The following PYHIN1 variants were observed in gnomAD, a reference collection of about 807,000 sequenced individuals.
PYHIN1 encodes the protein pyrin and HIN domain-containing protein 1.
PYHIN1 carries 32 observed loss-of-function variants against 43.7 expected under a neutral mutation model. The observed-to-expected ratio is 0.73, with a 90% CI of 0.55 to 0.98. The LOEUF (loss-of-function observed/expected upper bound fraction) is 0.98. Ranked by LOEUF, PYHIN1 falls within the 50% of genes least tolerant of loss-of-function variation. The pLI, the probability that PYHIN1 is intolerant of heterozygous loss-of-function variation, is 0.00. For missense variants in PYHIN1, 588 were observed against 589.5 expected (o/e 1.00, Z 0.03); for synonymous variants, 205 against 203.1 (o/e 1.01, Z -0.08).
At chr1:158,985,707 G>C in the PYHIN1 span, among the ~76,000 whole-genome samples, 1 of 152,092 alleles carries the variant, frequency 6.6e-6, no homozygotes, top group South Asian at 2.1e-4. Flanking sequence ...TCTCTAGCAA[G>C]GTCAGGTAAA....
At chr1:158,948,924 G>A (rs913370322) in intron 7 of PYHIN1, among the ~76,000 whole-genome samples, 1 of 152,184 alleles carries the variant, frequency 6.6e-6, no homozygotes, top group African/African-American at 2.4e-5. Context: ...CTGCACCTGG[G>A]TCACAAAGGC....
intron 7 of PYHIN1, among the ~76,000 whole-genome samples, chr1:158,965,015 T>G (rs376829343): frequency 5.3e-5 from 8 of 151,788 alleles, no homozygotes; most frequent in Non-Finnish European, 1.2e-4. Context: ...ATGACACCCA[T>G]TGGCTCAAAA....
At chr1:158,979,992 T>C (rs1651434786), downstream of PYHIN1, among the ~76,000 whole-genome samples, 1 of 152,184 alleles carries the variant, frequency 6.6e-6, no homozygotes, top group Non-Finnish European at 1.5e-5. Flanking sequence ...GTATTTGGTT[T>C]TCTGTTCCTG....
At chr1:158,985,534 A>G in the PYHIN1 span, among the ~76,000 whole-genome samples, 6,262 of 152,188 alleles carry the variant, frequency 0.041, 351 homozygotes, top group East Asian at 0.26. Context: ...TTAGTGTGAT[A>G]AGGGTTCCCT....
chr1:158,967,806 G>A (rs1259113567), intron 7 of PYHIN1, among the ~76,000 whole-genome samples: 1 of 151,802 alleles, frequency 6.6e-6, no homozygotes, highest in Non-Finnish European at 1.5e-5. Context: ...TACAATCACT[G>A]GATCTTTGAC....
intron 7 of PYHIN1, among the ~76,000 whole-genome samples, chr1:158,960,232 A>G (rs1650246967): frequency 6.6e-6 from 1 of 152,230 alleles, no homozygotes; most frequent in Admixed American, 6.5e-5. Context: ...ACAAGTGGCT[A>G]TGAATGGAGC....
chr1:158,940,429 G>A (rs924595954), intron 4 of PYHIN1, among the ~76,000 whole-genome samples: 4 of 151,806 alleles, frequency 2.6e-5, no homozygotes, highest in Admixed American at 1.3e-4. Context: ...GGCAGAAGAC[G>A]ATACACCAAG....
chr1:158,954,490 C>T (rs1024781977), intron 7 of PYHIN1, among the ~76,000 whole-genome samples: 11 of 149,118 alleles, frequency 7.4e-5, no homozygotes, highest in Admixed American at 1.3e-4. Context: ...AATTTCATAT[C>T]CAGCCAAATT....
intron 7 of PYHIN1, among the ~76,000 whole-genome samples, chr1:158,957,585 A>T (rs1405078344): frequency 6.7e-6 from 1 of 149,162 alleles, no homozygotes; most frequent in Non-Finnish European, 1.5e-5. Context: ...CCTTCCTTAC[A>T]CCTTCTACAA....
intron 3 of PYHIN1, 99 bp downstream of exon 3, chr1:158,938,641 T>C: frequency 6.5e-6 from 8 of 1,240,040 alleles, no homozygotes; most frequent in Middle Eastern, 2.1e-4. Context: ...TTTCTTCATA[T>C]GTTTCCCATC....
chr1:158,941,417 G>T (rs1214219615), intron 4 of PYHIN1, among the ~76,000 whole-genome samples: 1 of 152,146 alleles, frequency 6.6e-6, no homozygotes, highest in Non-Finnish European at 1.5e-5. Flanking sequence ...CTACTGAGAT[G>T]AGGGCATTCT....
In PYHIN1 at chr1:158,937,162, A is replaced by AT. The variant is rs1557822623; in HGVS notation, c.252_253insT (p.Glu85Ter). The AT allele has an allele frequency of 6.3e-7, 1 of 1,587,846 alleles. No homozygotes were observed. The highest frequency in any genetic ancestry group is 8.6e-7 in the Non-Finnish European group (1 of 1,169,284). On this transcript the variant is annotated frameshift_variant, in exon 2 of 9. Transcript: ENST00000368140. LOFTEE classifies it high-confidence loss of function. ...GAGACCTTGCTGAAACTCTTAAAAG[A>AT]GAAAAGTTAAAAGGTAATTGGGAAG... is the stretch of plus-strand genomic sequence containing the variant.
the PYHIN1 span, among the ~76,000 whole-genome samples, chr1:158,987,968 A>G: frequency 6.6e-6 from 1 of 152,246 alleles, no homozygotes; most frequent in African/African-American, 2.4e-5. Context: ...TACAGTGTGA[A>G]CATAAAAACA....
chr1:158,978,986 A>G (rs1387304701), downstream of PYHIN1, among the ~76,000 whole-genome samples: 1 of 152,220 alleles, frequency 6.6e-6, no homozygotes, highest in Non-Finnish European at 1.5e-5. Context: ...TAGACATCTT[A>G]GAGATCAGTT....
chr1:158,976,572 A>AT (rs778428954), intron 8 of PYHIN1, 129 bp from the exon 9 acceptor site: 5 of 630,712 alleles, frequency 7.9e-6, no homozygotes, highest in Admixed American at 7.6e-5. Flanking sequence ...GAGAATGAGA[A>AT]AAGAGTGCTT....
intron 1 of PYHIN1, among the ~76,000 whole-genome samples, chr1:158,932,730 AC>A (rs1318429095): frequency 6.6e-5 from 10 of 152,182 alleles, no homozygotes; most frequent in Non-Finnish European, 7.4e-5. Context: ...AGTATGTTTA[AC>A]TTTTACATTA....
At chr1:158,938,351 C>T (rs753247820) in intron 2 of PYHIN1, 46 bp from the exon 3 acceptor site, 9 of 1,604,260 alleles carry the variant, frequency 5.6e-6, no homozygotes, top group African/African-American at 2.7e-5. Context: ...CGGGTGTCCC[C>T]GATCATCTGC....
In PYHIN1 at chr1:158,943,824, T is replaced by G. The variant is rs1299336888; in HGVS notation, c.1037T>G (p.Ile346Ser). ...AATAGGAAGACGACAATCTATGAAA[T>G]TCAGGATAAAACAGGAAGTATGGCT... ...IVNRKTTIYE[I>S]QDKTGSMAVV... Residue 346 changes from isoleucine to serine, a missense_variant, in exon 6 of 9, where the codon ATT becomes AGT. By Grantham distance (142) the Ile-to-Ser change is moderately radical. Coordinates refer to ENST00000368140, the MANE Select transcript of PYHIN1 (RefSeq NM_152501.5). The G allele has an allele frequency of 6.2e-7, 1 of 1,602,164 alleles. No individual in the cohort carries two copies. Among genetic ancestry groups the G allele is most frequent in the African/African-American group, 1.3e-5 (1 of 74,504 alleles).
chr1:158,937,178 A>C lies in PYHIN1; in HGVS notation c.265+3A>C. 6.4e-7 allele frequency: 1 copy of C among 1,568,866 alleles called. No homozygotes were observed. The highest frequency in any genetic ancestry group is 1.2e-5 in the South Asian group (1 of 81,134). ...TCTTAAAAGAGAAAAGTTAAAAGGT[A>C]ATTGGGAAGAGGGAACACCCACTCC... On this transcript the variant is annotated splice_donor_region_variant and intron_variant, in intron 2 of 8. Coordinates refer to ENST00000368140, the MANE Select transcript of PYHIN1 (RefSeq NM_152501.5).
Sources: allele counts gnomAD v4.1 joint callset (sites outside exome capture counted in the v4.1 genomes callset), GRCh38; gene constraint gnomAD v4.1.1; transcripts MANE v1.5; gene names NCBI Gene and HGNC (gene_info 2026-07-23, HGNC 2026-07-21).